The following CAST variants were observed in gnomAD, a reference collection of about 807,000 sequenced individuals.
The protein encoded by CAST is calpastatin.
Under a neutral mutation model 119.6 loss-of-function variants are expected in CAST, and 76 were observed. That is an observed-to-expected ratio of 0.64 (90% CI 0.53 to 0.77). CAST has a LOEUF of 0.77. Ranked by LOEUF, CAST falls within the 30% of genes least tolerant of loss-of-function variation. CAST has a pLI of 0.00. For missense variants in CAST, 953 were observed against 946.5 expected, an observed-to-expected ratio of 1.01 and a Z score of -0.09; for synonymous variants, 319 against 331.6, an observed-to-expected ratio of 0.96 and a Z score of 0.41.
chr5:96,370,245 G>A, the CAST span, among the ~76,000 whole-genome samples: 1 of 152,068 alleles, frequency 6.6e-6, no homozygotes, highest in East Asian at 1.9e-4. Flanking sequence ...ATATTAGGCA[G>A]TACTGTAGTA....
the CAST span, among the ~76,000 whole-genome samples, chr5:96,168,852 T>G: frequency 6.6e-6 from 1 of 151,956 alleles, no homozygotes; most frequent in African/African-American, 2.4e-5. Flanking sequence ...AAGCAAAAAG[T>G]ATATGTGTCA....
At chr5:96,771,250 C>T (rs931358086) in intron 30 of CAST, among the ~76,000 whole-genome samples, 7 of 152,114 alleles carry the variant, frequency 4.6e-5, no homozygotes, top group African/African-American at 1.4e-4. Context: ...ACTTAATCAG[C>T]CCTTTAACAA....
At chr5:95,981,935 A>G in the CAST span, among the ~76,000 whole-genome samples, 1 of 152,068 alleles carries the variant, frequency 6.6e-6, no homozygotes. Flanking sequence ...AAGTTGGAAA[A>G]ATAGTACATA....
chr5:96,135,263 A>G, the CAST span, among the ~76,000 whole-genome samples: 1 of 152,198 alleles, frequency 6.6e-6, no homozygotes, highest in Admixed American at 6.5e-5. Context: ...AAGAGTGTGT[A>G]AAGGGAAAAT....
chr5:96,376,745 C>T, the CAST span, among the ~76,000 whole-genome samples: 2 of 152,144 alleles, frequency 1.3e-5, no homozygotes, highest in African/African-American at 4.8e-5. Flanking sequence ...CAGCCCCATA[C>T]TATATTTTTA....
At chr5:96,482,033 AT>A in the CAST span, among the ~76,000 whole-genome samples, 1 of 152,112 alleles carries the variant, frequency 6.6e-6, no homozygotes, top group Admixed American at 6.6e-5. Context: ...AATGAAGGAG[AT>A]TTATGATGCC....
At chr5:96,120,131 T>G in the CAST span, among the ~76,000 whole-genome samples, 1 of 152,126 alleles carries the variant, frequency 6.6e-6, no homozygotes, top group Non-Finnish European at 1.5e-5. Flanking sequence ...TCCTTCCTAT[T>G]AGCATCCAGG....
the CAST span, among the ~76,000 whole-genome samples, chr5:96,236,386 C>G: frequency 2.0e-5 from 3 of 152,182 alleles, no homozygotes; most frequent in Non-Finnish European, 2.9e-5. Context: ...GTTCCAAGAG[C>G]TTGGTGCACC....
At chr5:96,274,349 AC>A in the CAST span, among the ~76,000 whole-genome samples, 3 of 151,316 alleles carry the variant, frequency 2.0e-5, no homozygotes, top group African/African-American at 7.3e-5. Context: ...TAATCTGCCC[AC>A]CCCGGCCTCC....
At chr5:96,147,771 T>C in the CAST span, among the ~76,000 whole-genome samples, 38 of 152,348 alleles carry the variant, frequency 2.5e-4, no homozygotes, top group African/African-American at 8.9e-4. Flanking sequence ...ATTCTTTAGG[T>C]AAGTGTCAAA....
At chr5:96,404,969 C>T in the CAST span, among the ~76,000 whole-genome samples, 1 of 152,192 alleles carries the variant, frequency 6.6e-6, no homozygotes. Flanking sequence ...AAGGGCTCTT[C>T]AGTCTCCATA....
the CAST span, chr5:96,400,267 C>G: frequency 1.1e-6 from 1 of 914,386 alleles, no homozygotes; most frequent in Non-Finnish European, 1.8e-6. Context: ...ATAAGCATCT[C>G]CATTCAGGGA....
At chr5:96,435,572 C>T in the CAST span, among the ~76,000 whole-genome samples, 7 of 152,170 alleles carry the variant, frequency 4.6e-5, no homozygotes, top group Non-Finnish European at 1.0e-4. Flanking sequence ...GACCTCCAGG[C>T]CCATCAGTGT....
chr5:96,619,499 T>C (rs927822545), intron 1 of CAST, among the ~76,000 whole-genome samples: 2 of 152,234 alleles, frequency 1.3e-5, no homozygotes, highest in Non-Finnish European at 2.9e-5. Context: ...CTGCCCGAAC[T>C]AGCAGCAGCA....
the CAST span, among the ~76,000 whole-genome samples, chr5:96,323,152 G>A: frequency 1.3e-5 from 2 of 152,158 alleles, no homozygotes; most frequent in Non-Finnish European, 2.9e-5. Context: ...CGATGTTCAG[G>A]TATTGAAGCC....
At chr5:96,132,770 A>G in the CAST span, among the ~76,000 whole-genome samples, 1 of 152,194 alleles carries the variant, frequency 6.6e-6, no homozygotes, top group African/African-American at 2.4e-5. Context: ...TTTATAGCCA[A>G]CCTGGTTAAC....
chr5:96,694,248 C>G (rs999160601), intron 2 of CAST, among the ~76,000 whole-genome samples: 2 of 152,096 alleles, frequency 1.3e-5, no homozygotes, highest in African/African-American at 4.8e-5. Context: ...TATATGCTAG[C>G]TAATTTATGC....
chr5:96,262,148 C>T, the CAST span, among the ~76,000 whole-genome samples: 1 of 152,160 alleles, frequency 6.6e-6, no homozygotes, highest in African/African-American at 2.4e-5. Flanking sequence ...AAAACAATAA[C>T]AACAACTATT....
the CAST span, among the ~76,000 whole-genome samples, chr5:96,389,932 C>G: frequency 2.7e-5 from 4 of 149,416 alleles, no homozygotes; most frequent in African/African-American, 9.9e-5. Flanking sequence ...GAGACTCTAG[C>G]AAAAGAAAAA....
Sources: gnomAD v4.1 joint callset for allele counts (sites outside exome capture counted in the v4.1 genomes callset) on GRCh38, gnomAD v4.1.1 for gene constraint, MANE v1.5 for transcripts, NCBI Gene and HGNC (gene_info 2026-07-23, HGNC 2026-07-21) for gene names.